Variants in PWWP2B observed in about 807,000 individuals in gnomAD.
PWWP2B encodes PWWP domain-containing protein 2B.
Under a neutral mutation model 15.5 loss-of-function variants are expected in PWWP2B, and 9 were observed. The ratio of observed to expected loss-of-function variants is 0.58; its 90% CI spans 0.35 to 1.02. The LOEUF (loss-of-function observed/expected upper bound fraction) is 1.02, where lower values mean the gene tolerates loss of function less well. Ranked by LOEUF, PWWP2B falls within the 50% of genes least tolerant of loss-of-function variation. The pLI, the probability that PWWP2B is intolerant of heterozygous loss-of-function variation, is 0.02. For synonymous variants in PWWP2B, 474 were observed against 403.6 expected (o/e 1.17, Z -2.09); for missense variants, 864 against 865.3 (o/e 1.00, Z 0.02).
Position 132,397,258 on chromosome 10 carries a change from T to C in PWWP2B, c.32T>C (p.Val11Ala), listed in dbSNP as rs745540282. MEPRAGCRLP[V>A]RVEQVVNGAL... ...CCGCGCGCCGGCTGCCGGCTGCCGGTGCGGGTGGAGCAGGTCGTCAACGGC... is the reference window on the plus strand; with the variant it reads ...CCGCGCGCCGGCTGCCGGCTGCCGGCGCGGGTGGAGCAGGTCGTCAACGGC... The change falls in exon 1 of 3, where the codon GTG (valine) becomes GCG (alanine). Residue 11 changes from valine (V) to alanine (A), a missense_variant. Val to Ala is a moderately conservative substitution (Grantham distance 64). Around this residue, in one of 2 missense-constraint regions of PWWP2B, gnomAD observed 736 missense variants for 687.7 expected, o/e 1.07. Coordinates refer to ENST00000305233, the MANE Select transcript of PWWP2B (RefSeq NM_138499.4). The C allele has an allele frequency of 4.6e-6, 6 of 1,313,236 alleles. No homozygotes were observed. In the South Asian group the frequency reaches 6.4e-5, roughly 14 times the overall value. The allele number at this position is 1,313,236 out of a possible 1,614,324, so 81.3% of individuals were successfully genotyped here.
chr10:132,404,328 A>C (rs1267192523), intron 1 of PWWP2B, among the ~76,000 whole-genome samples: 2 of 152,082 alleles, frequency 1.3e-5, no homozygotes, highest in Non-Finnish European at 2.9e-5. Context: ...CCCTGGGGCC[A>C]TGGACTGAGA....
chr10:132,416,538 G>A (rs535105833), intron 2 of PWWP2B, among the ~76,000 whole-genome samples: 7 of 152,210 alleles, frequency 4.6e-5, no homozygotes, highest in South Asian at 4.1e-4. Context: ...CTGGGGCTCC[G>A]CACAGATCTG....
At position 132,405,690 on chromosome 10, in the gene PWWP2B, G is replaced by T; in HGVS notation, c.1190G>T (p.Gly397Val). 1 of 1,612,280 alleles carries T rather than the reference G, an allele frequency of 6.2e-7. No individual in the cohort carries two copies. The highest frequency in any genetic ancestry group is 1.1e-5 in the South Asian group (1 of 91,088). Reference sequence around the variant, plus strand: ...GATGACTTCAAGAGCTGTCCCCAGGGTCCACAGGGACGCGAGGGCTTGGCT... The same window carrying T: ...GATGACTTCAAGAGCTGTCCCCAGGTTCCACAGGGACGCGAGGGCTTGGCT... Reference protein sequence around the residue: ...EDDDFKSCPQGPQGREGLAFL... With the variant: ...EDDDFKSCPQVPQGREGLAFL... The change falls in exon 2 of 3, where the codon GGT (glycine) becomes GTT (valine). Residue 397 changes from glycine to valine, a missense_variant. Coordinates refer to ENST00000305233, the MANE Select transcript of PWWP2B (RefSeq NM_138499.4).
At chr10:132,415,543 TCA>T (rs1174053916) in intron 2 of PWWP2B, among the ~76,000 whole-genome samples, 1 of 137,052 alleles carries the variant, frequency 7.3e-6, no homozygotes, top group Admixed American at 7.2e-5. Flanking sequence ...ACACGCACTC[TCA>T]CACACATTCA....
Position 132,406,231 on chromosome 10 carries a change from G to A in PWWP2B, c.1731G>A (p.Val577=). The A allele has an allele frequency of 6.2e-7, 1 of 1,611,542 alleles. No homozygotes were observed. Among genetic ancestry groups the A allele is most frequent in the Non-Finnish European group, 8.5e-7 (1 of 1,178,658 alleles). The change falls in exon 2 of 3, where the codon GTG becomes GTA. Residue 577 remains valine, a synonymous_variant. Coordinates refer to ENST00000305233, the MANE Select transcript of PWWP2B (RefSeq NM_138499.4). ...ITEAANAARH[V]APEIRELLTQ... is the part of the protein sequence containing the mutation. ...AGGCTGCAAATGCCGCAAGACACGT[G>A]GCCCCGGAAATCAGGGAGCTCTTAA...
chr10:132,404,753 C>T lies in PWWP2B; in HGVS notation c.253C>T (p.Pro85Ser). 1.9e-6 allele frequency: 3 copies of T among 1,589,594 alleles called. No individual in the cohort carries two copies. Among genetic ancestry groups the T allele is most frequent in the Non-Finnish European group, 2.6e-6 (3 of 1,166,470 alleles). The change falls in exon 2 of 3, where the codon CCC becomes TCC. Residue 85 changes from proline to serine, a missense_variant. Pro to Ser is a moderately conservative substitution (Grantham distance 74, BLOSUM62 -1). Around this residue, in one of 2 missense-constraint regions of PWWP2B, gnomAD observed 736 missense variants for 687.7 expected, o/e 1.07. Coordinates refer to ENST00000305233, the MANE Select transcript of PWWP2B (RefSeq NM_138499.4). ...GGTGATGCAGCTGGGGTCCAGCTCC[C>T]CCCCTCCTGCCCGCGGGGTTCAGCC... ...AEVMQLGSSS[P>S]PPARGVQPPE...
Position 132,406,086 on chromosome 10 carries a change from C to G in PWWP2B, c.1586C>G (p.Ser529Trp). The change falls in exon 2 of 3, where the codon TCG (serine) becomes TGG (tryptophan). Residue 529 changes from serine (S) to tryptophan (W), a missense_variant. This residue lies in a region of PWWP2B where 128 missense variants were observed against 177.6 expected (regional missense o/e 0.72). Coordinates refer to ENST00000305233, the MANE Select transcript of PWWP2B (RefSeq NM_138499.4). ...CCGTCTTGGCGAGAAGCGAAGGTCTCGTGGTTTGGTTCTCCGACTACGTCG... is the reference window on the plus strand; with the variant it reads ...CCGTCTTGGCGAGAAGCGAAGGTCTGGTGGTTTGGTTCTCCGACTACGTCG... ...GEPSWREAKV[S>W]WFGSPTTSFL... is the part of the protein sequence containing the mutation. 1.2e-6 allele frequency: 2 copies of G among 1,613,736 alleles called. No homozygotes were observed. The highest frequency in any genetic ancestry group is 2.7e-5 in the African/African-American group (2 of 75,066).
At position 132,406,177 on chromosome 10, in the gene PWWP2B, G is replaced by A; in HGVS notation, c.1677G>A (p.Lys559=). Residue 559 remains lysine, a synonymous_variant, in exon 2 of 3, where the codon AAG becomes AAA. Coordinates refer to ENST00000305233, the MANE Select transcript of PWWP2B (RefSeq NM_138499.4). ...TCAAACTGAGATTTAATCGTAAGAAGAAGGGGATGTATCGGAAAGCTATAA... is the reference window on the plus strand; with the variant it reads ...TCAAACTGAGATTTAATCGTAAGAAAAAGGGGATGTATCGGAAAGCTATAA... ...EFFKLRFNRK[K]KGMYRKAITE... 8 of 1,613,456 alleles carry A rather than the reference G, an allele frequency of 5.0e-6. No individual in the cohort carries two copies. Among genetic ancestry groups the A allele is most frequent in the Non-Finnish European group, 6.8e-6 (8 of 1,180,018 alleles).
rs757510348 is a variant in PWWP2B, at chr10:132,405,699, G to A, written c.1199G>A (p.Gly400Glu). 6.2e-7 allele frequency: 1 copy of A among 1,612,084 alleles called. No individual in the cohort carries two copies. The highest frequency in any genetic ancestry group is 8.5e-7 in the Non-Finnish European group (1 of 1,179,892). Residue 400 changes from glycine to glutamate, a missense_variant, in exon 2 of 3, where the codon GGA becomes GAA. Around this residue, in one of 2 missense-constraint regions of PWWP2B, gnomAD observed 736 missense variants for 687.7 expected, o/e 1.07. Coordinates refer to ENST00000305233, the MANE Select transcript of PWWP2B (RefSeq NM_138499.4). Reference protein sequence around the residue: ...DFKSCPQGPQGREGLAFLVSC... With the variant: ...DFKSCPQGPQEREGLAFLVSC... ...AAGAGCTGTCCCCAGGGTCCACAGG[G>A]ACGCGAGGGCTTGGCTTTTCTCGTC...
At chr10:132,403,402 G>A (rs937827320) in intron 1 of PWWP2B, among the ~76,000 whole-genome samples, 18 of 152,322 alleles carry the variant, frequency 1.2e-4, no homozygotes, top group South Asian at 4.1e-4. Flanking sequence ...CCAGTTACGC[G>A]TGTTCCCTGT....
chr10:132,404,115 G>T (rs1430331674), intron 1 of PWWP2B, among the ~76,000 whole-genome samples: 1 of 152,014 alleles, frequency 6.6e-6, no homozygotes, highest in East Asian at 1.9e-4. Context: ...TTCTCCAGGG[G>T]CTTGCTTTGG....
intron 2 of PWWP2B, among the ~76,000 whole-genome samples, chr10:132,407,768 T>C (rs142859673): frequency 1.7e-3 from 253 of 152,268 alleles, no homozygotes; most frequent in African/African-American, 4.7e-3. Flanking sequence ...GTGGGGCAGG[T>C]GCCTTGTTGG....
chr10:132,404,778 C>A lies in PWWP2B; in HGVS notation c.278C>A (p.Pro93His), dbSNP rs774569660. The A allele has an allele frequency of 1.3e-6, 2 of 1,552,258 alleles. No homozygotes were observed. The highest frequency in any genetic ancestry group is 1.7e-6 in the Non-Finnish European group (2 of 1,143,814). The change falls in exon 2 of 3, where the codon CCC (proline) becomes CAC (histidine). Residue 93 changes from proline (P) to histidine (H), a missense_variant. Around this residue, in one of 2 missense-constraint regions of PWWP2B, gnomAD observed 736 missense variants for 687.7 expected, o/e 1.07. Transcript: ENST00000305233. ...SSPPPARGVQ[P>H]PETTRPEPPP... ...CCCCCTCCTGCCCGCGGGGTTCAGC[C>A]CCCCGAGACCACCCGCCCCGAGCCA...
intron 2 of PWWP2B, among the ~76,000 whole-genome samples, chr10:132,409,476 G>T (rs2069748322): frequency 6.6e-6 from 1 of 152,156 alleles, no homozygotes; most frequent in African/African-American, 2.4e-5. Flanking sequence ...CCCAGAGAAG[G>T]CAATGCCACC....
intron 1 of PWWP2B, among the ~76,000 whole-genome samples, chr10:132,398,359 G>A (rs916780912): frequency 6.6e-6 from 1 of 152,210 alleles, no homozygotes; most frequent in Non-Finnish European, 1.5e-5. Context: ...TGCCCGCTCC[G>A]TGTGGGCTAC....
chr10:132,410,040 T>C (rs2069757119), intron 2 of PWWP2B, among the ~76,000 whole-genome samples: 1 of 152,174 alleles, frequency 6.6e-6, no homozygotes, highest in Non-Finnish European at 1.5e-5. Context: ...AGGAGTGAGA[T>C]GGTCTTGTTA....
In PWWP2B at chr10:132,417,084, T is replaced by C; in HGVS notation, c.*40T>C. The C allele has an allele frequency of 6.2e-7, 1 of 1,613,714 alleles. No homozygotes were observed. The highest frequency in any genetic ancestry group is 8.5e-7 in the Non-Finnish European group (1 of 1,179,694). Reference sequence around the variant, plus strand: ...AGGTCACCGACGATGAGGGCGCACCTGCTGTCCTGGAGCTTCCGATCTCTG... The same window carrying C: ...AGGTCACCGACGATGAGGGCGCACCCGCTGTCCTGGAGCTTCCGATCTCTG... On this transcript the variant is annotated 3_prime_UTR_variant, in exon 3 of 3. Transcript: ENST00000305233.
chr10:132,405,474 G>C lies in PWWP2B; in HGVS notation c.974G>C (p.Gly325Ala). The C allele has an allele frequency of 6.2e-7, 1 of 1,605,334 alleles. No individual in the cohort carries two copies. Among genetic ancestry groups the C allele is most frequent in the Non-Finnish European group, 8.5e-7 (1 of 1,179,406 alleles). Residue 325 changes from glycine to alanine, a missense_variant, in exon 2 of 3, where the codon GGC (glycine) becomes GCC (alanine). Transcript: ENST00000305233. ...KLKLTRPVPAGADLPPPKIRL... is the reference protein window; with the variant it reads ...KLKLTRPVPAAADLPPPKIRL... The stretch of plus-strand genomic sequence containing the variant: ...AAACTGACACGGCCTGTGCCGGCCG[G>C]CGCGGACCTGCCGCCCCCTAAGATC...
chr10:132,406,183 G>A lies in PWWP2B; in HGVS notation c.1683G>A (p.Gly561=), dbSNP rs556857954. ...TGAGATTTAATCGTAAGAAGAAGGG[G>A]ATGTATCGGAAAGCTATAACCGAGG... ...FKLRFNRKKK[G]MYRKAITEAA... Residue 561 remains glycine, a synonymous_variant, in exon 2 of 3, where the codon GGG becomes GGA. Coordinates refer to ENST00000305233, the MANE Select transcript of PWWP2B (RefSeq NM_138499.4). 1.5e-5 allele frequency: 25 copies of A among 1,613,388 alleles called. No homozygotes were observed. In the Admixed American group the frequency reaches 3.5e-4, roughly 23 times the overall value.
Sources: allele counts gnomAD v4.1 joint callset (sites outside exome capture counted in the v4.1 genomes callset), GRCh38; gene constraint gnomAD v4.1.1; regional missense constraint gnomAD v4.1.1; transcripts MANE v1.5; gene names NCBI Gene and HGNC (gene_info 2026-07-23, HGNC 2026-07-21).